The following PXDNL variants were observed in gnomAD, a reference collection of about 807,000 sequenced individuals.
PXDNL encodes the protein probable oxidoreductase PXDNL.
PXDNL carries 145 observed loss-of-function variants against 150.8 expected under a neutral mutation model. That is an observed-to-expected ratio of 0.96 (90% CI 0.84 to 1.10). PXDNL has a LOEUF of 1.10. Ranked by LOEUF, PXDNL falls within the 50% of genes least tolerant of loss-of-function variation. The probability of loss-of-function intolerance (pLI) is 0.00; values close to 1 mark genes in which losing one functional copy is unlikely to be tolerated. For synonymous variants in PXDNL, 757 were observed against 725.7 expected, an observed-to-expected ratio of 1.04 and a Z score of -0.69; for missense variants, 2,087 against 1,873.9, an observed-to-expected ratio of 1.11 and a Z score of -2.10.
chr8:51,680,456 A>C (rs1034876719), intron 1 of PXDNL, among the ~76,000 whole-genome samples: 2 of 152,224 alleles, frequency 1.3e-5, no homozygotes, highest in Non-Finnish European at 2.9e-5. Context: ...ATTACAGAGA[A>C]AAAAATTGTT....
At chr8:51,494,686 C>G (rs918887499) in intron 5 of PXDNL, among the ~76,000 whole-genome samples, 1 of 151,996 alleles carries the variant, frequency 6.6e-6, no homozygotes, top group South Asian at 2.1e-4. Context: ...ACAAAGAAGG[C>G]CATTACATAA....
chr8:51,540,988 A>C (rs1470213032), intron 4 of PXDNL, among the ~76,000 whole-genome samples: 2 of 151,816 alleles, frequency 1.3e-5, no homozygotes, highest in Non-Finnish European at 2.9e-5. Context: ...AGCTGGTTGC[A>C]GTGGCTTATG....
At chr8:51,467,053 A>C (rs372684051) in intron 8 of PXDNL, among the ~76,000 whole-genome samples, 1 of 152,306 alleles carries the variant, frequency 6.6e-6, no homozygotes, top group Non-Finnish European at 1.5e-5. Context: ...TACCCAAAGA[A>C]AAATAAATCC....
intron 1 of PXDNL, among the ~76,000 whole-genome samples, chr8:51,789,217 T>C (rs1418111540): frequency 6.6e-6 from 1 of 151,750 alleles, no homozygotes; most frequent in African/African-American, 2.4e-5. Context: ...TTTTGCTGTG[T>C]TTTTATGTTA....
At chr8:51,607,274 C>A (rs1813855781) in intron 2 of PXDNL, among the ~76,000 whole-genome samples, 1 of 152,132 alleles carries the variant, frequency 6.6e-6, no homozygotes. Context: ...CACAGATCTC[C>A]ACCTGCCAAA....
At chr8:51,372,407 G>A (rs1807150927) in intron 18 of PXDNL, among the ~76,000 whole-genome samples, 1 of 152,102 alleles carries the variant, frequency 6.6e-6, no homozygotes, top group Admixed American at 6.5e-5. Context: ...TTGAGACGGA[G>A]TCTCATTCAC....
intron 4 of PXDNL, among the ~76,000 whole-genome samples, chr8:51,528,126 A>G (rs1484918476): frequency 1.3e-5 from 2 of 152,118 alleles, no homozygotes; most frequent in Non-Finnish European, 2.9e-5. Context: ...TGGTCACTTG[A>G]CTCATCCTTA....
intron 1 of PXDNL, among the ~76,000 whole-genome samples, chr8:51,671,096 G>A (rs1815491063): frequency 6.6e-6 from 1 of 152,166 alleles, no homozygotes; most frequent in South Asian, 2.1e-4. Flanking sequence ...AACAATTGTT[G>A]TGTGACTTGA....
chr8:51,466,436 G>A (rs951572694), intron 8 of PXDNL, among the ~76,000 whole-genome samples: 2 of 151,784 alleles, frequency 1.3e-5, no homozygotes, highest in African/African-American at 4.8e-5. Context: ...ACCTCAAACT[G>A]TAAAAATTTT....
chr8:51,799,916 T>C (rs1585759727), intron 1 of PXDNL, among the ~76,000 whole-genome samples: 1 of 152,198 alleles, frequency 6.6e-6, no homozygotes, highest in Admixed American at 6.5e-5. Flanking sequence ...ATTTCTCATA[T>C]CTGCTTGTCA....
chr8:51,625,512 TA>T (rs911791457), intron 2 of PXDNL, among the ~76,000 whole-genome samples: 11 of 152,240 alleles, frequency 7.2e-5, no homozygotes, highest in African/African-American at 2.6e-4. Context: ...GTATAAAAAA[TA>T]AAATACACGA....
At chr8:51,518,822 C>T (rs1029822595) in intron 4 of PXDNL, among the ~76,000 whole-genome samples, 3 of 151,966 alleles carry the variant, frequency 2.0e-5, no homozygotes, top group Non-Finnish European at 4.4e-5. Context: ...AAAGAATGGG[C>T]TCGATAGGAG....
intron 1 of PXDNL, among the ~76,000 whole-genome samples, chr8:51,704,991 T>C (rs1816346066): frequency 6.6e-6 from 1 of 152,334 alleles, no homozygotes; most frequent in East Asian, 1.9e-4. Context: ...ATTCAAGTAA[T>C]GTGAATTCAT....
rs757740947 is a variant in PXDNL, at chr8:51,423,737, G to C, written c.1639-6C>G. 6.2e-7 allele frequency: 1 copy of C among 1,600,216 alleles called. No homozygotes were observed. The highest frequency in any genetic ancestry group is 1.8e-5 in the Admixed American group (1 of 56,382). ...TCAGTAATCTGCACACCTTCCTAGGGAGCAAAAAAGAGTTGCCACTGAATG... is the reference window on the plus strand; with the variant it reads ...TCAGTAATCTGCACACCTTCCTAGGCAGCAAAAAAGAGTTGCCACTGAATG... On this transcript the variant is annotated splice_region_variant and splice_polypyrimidine_tract_variant and intron_variant, in intron 13 of 22. Transcript: ENST00000356297.
At chr8:51,384,608 C>T (rs1269550040) in intron 17 of PXDNL, among the ~76,000 whole-genome samples, 2 of 152,060 alleles carry the variant, frequency 1.3e-5, no homozygotes, top group East Asian at 1.9e-4. Flanking sequence ...TCTATGTTAA[C>T]AAACATCTCT....
chr8:51,591,338 A>C (rs16916565), intron 3 of PXDNL, among the ~76,000 whole-genome samples: 7,748 of 152,244 alleles, frequency 0.051, 449 homozygotes, highest in African/African-American at 0.15. Context: ...AATTGACTAA[A>C]CTAAGAGGAA....
chr8:51,767,270 C>G (rs1008241672), intron 1 of PXDNL, among the ~76,000 whole-genome samples: 2 of 151,870 alleles, frequency 1.3e-5, no homozygotes, highest in African/African-American at 4.8e-5. Flanking sequence ...CTCTCCCCCT[C>G]TTTCTTCTAC....
At chr8:51,755,298 GT>G (rs67163635) in intron 1 of PXDNL, among the ~76,000 whole-genome samples, 103,904 of 141,518 alleles carry the variant, frequency 0.73, 37,697 homozygotes, top group East Asian at 0.84. Flanking sequence ...AGAATGTTTT[GT>G]TTTTTTTTTT....
At chr8:51,542,150 G>C (rs1812230959) in intron 4 of PXDNL, among the ~76,000 whole-genome samples, 1 of 150,032 alleles carries the variant, frequency 6.7e-6, no homozygotes, top group African/African-American at 2.4e-5. Context: ...TTTGAGAAAG[G>C]GGGAAAAAAA....
Sources: allele counts gnomAD v4.1 joint callset (sites outside exome capture counted in the v4.1 genomes callset), GRCh38; gene constraint gnomAD v4.1.1; transcripts MANE v1.5; gene names NCBI Gene and HGNC (gene_info 2026-07-23, HGNC 2026-07-21).